The following SDK2 variants were observed in gnomAD, a reference collection of about 807,000 sequenced individuals.
SDK2 encodes sidekick cell adhesion molecule 2.
A neutral mutation model predicts 253.9 loss-of-function variants in SDK2; 105 were observed. The ratio of observed to expected loss-of-function variants is 0.41; its 90% CI spans 0.35 to 0.49. SDK2 has a LOEUF of 0.49. Among genes scored for constraint, SDK2 ranks in the 20% least tolerant of loss-of-function variants. The probability of loss-of-function intolerance (pLI) is 0.06; values close to 1 mark genes in which losing one functional copy is unlikely to be tolerated. For synonymous variants in SDK2, 1,249 were observed against 1,234.9 expected, an observed-to-expected ratio of 1.01 and a Z score of -0.24; for missense variants, 2,608 against 3,003.0, an observed-to-expected ratio of 0.87 and a Z score of 3.07.
In SDK2 at chr17:73,350,355, C is replaced by A; in HGVS notation, c.5920G>T (p.Ala1974Ser). 6.2e-7 allele frequency: 1 copy of A among 1,613,774 alleles called. No homozygotes were observed. The highest frequency in any genetic ancestry group is 2.2e-5 in the East Asian group (1 of 44,872). The change falls in exon 43 of 45, where the codon GCC becomes TCC. Residue 1974 changes from alanine (A) to serine (S), a missense_variant. Physicochemically the swap from Ala to Ser is moderately conservative, Grantham distance 99. Around this residue, in one of 2 missense-constraint regions of SDK2, gnomAD observed 1,103 missense variants for 1,143.9 expected, o/e 0.96. Transcript: ENST00000392650. ...CTCATCATCTCGCTGTGGCCTAGGG[C>A]TCCAGACTTGGCACTGTTCCCTGAA... ...TDSGNSAKSGALGHSEMMSLD... is the reference protein window; with the variant it reads ...TDSGNSAKSGSLGHSEMMSLD...
intron 1 of SDK2, among the ~76,000 whole-genome samples, chr17:73,575,775 G>C (rs1269195639): frequency 1.3e-5 from 2 of 152,222 alleles, no homozygotes; most frequent in Non-Finnish European, 2.9e-5. Context: ...GGGAGACAGA[G>C]CATACACAGA....
intron 44 of SDK2, among the ~76,000 whole-genome samples, chr17:73,342,104 TC>T (rs374701738): frequency 8.2e-6 from 1 of 122,076 alleles, no homozygotes; most frequent in African/African-American, 3.2e-5. Flanking sequence ...CCACCCCGAC[TC>T]CCAGCAGGAA....
chr17:73,479,845 C>T (rs1405003925), intron 2 of SDK2, among the ~76,000 whole-genome samples: 2 of 152,186 alleles, frequency 1.3e-5, no homozygotes, highest in Non-Finnish European at 2.9e-5. Flanking sequence ...CACCTGCCCC[C>T]ATGCCCGGCT....
chr17:73,540,988 C>T (rs1055824042), intron 1 of SDK2, among the ~76,000 whole-genome samples: 1 of 152,234 alleles, frequency 6.6e-6, no homozygotes, highest in Non-Finnish European at 1.5e-5. Context: ...ACACCCCAGC[C>T]TCCCCTACAG....
chr17:73,460,245 G>A (rs943697976), intron 3 of SDK2, among the ~76,000 whole-genome samples: 1 of 152,220 alleles, frequency 6.6e-6, no homozygotes, highest in Non-Finnish European at 1.5e-5. Context: ...TGTGGGAGCA[G>A]CCCACATGGA....
rs369686989 is a variant in SDK2 at position 73,401,344 on chromosome 17, G to A, written c.2780-133C>T. 3.7e-5 allele frequency: 32 copies of A among 854,098 alleles called. No homozygotes were observed. In the South Asian group the frequency reaches 4.4e-4, roughly 12 times the overall value. 52.9% of individuals were successfully genotyped at this position (854,098 alleles called of 1,614,324 possible). ...GGGAGCAATGGGGCCAAGGGAGGTG[G>A]GAGCTGTTGGCATCATGCCCTGGGT... On this transcript the variant is annotated intron_variant, in intron 20 of 44. Transcript: ENST00000392650.
chr17:73,388,800 TTCCTTCCTTCCCTCCCTC>T (rs202206500), intron 29 of SDK2, among the ~76,000 whole-genome samples: 1 of 43,980 alleles, frequency 2.3e-5, no homozygotes, highest in East Asian at 1.6e-3. Context: ...CCCTCCCTCC[TTCCTTCCTTCCCTCCCTC>T]TCCTTCCTTC....
chr17:73,346,282 G>A (rs530963415), intron 44 of SDK2, among the ~76,000 whole-genome samples: 1 of 152,094 alleles, frequency 6.6e-6, no homozygotes, highest in Non-Finnish European at 1.5e-5. Context: ...TGCTTAATTT[G>A]ATTTCAACGC....
chr17:73,379,295 G>A lies in SDK2; in HGVS notation c.4865-3C>T. 2 of 1,553,272 alleles carry A rather than the reference G, an allele frequency of 1.3e-6. No homozygotes were observed. Among genetic ancestry groups the A allele is most frequent in the Non-Finnish European group, 1.7e-6 (2 of 1,147,618 alleles). On this transcript the variant is annotated splice_polypyrimidine_tract_variant and splice_region_variant and intron_variant, in intron 35 of 44. Coordinates refer to ENST00000392650, the MANE Select transcript of SDK2 (RefSeq NM_001144952.2). This position sits in a 1 kb window ranked among gnomAD's most constrained non-coding sequence, Gnocchi z 4.5. ...GTTACGAGGTGCTGCTGTGGGCACT[G>A]GAGGGCGTGCAGGGTAGGCAGTGAG...
chr17:73,392,893 T>A (rs1481987999), intron 27 of SDK2, among the ~76,000 whole-genome samples: 1 of 152,000 alleles, frequency 6.6e-6, no homozygotes, highest in Non-Finnish European at 1.5e-5. Context: ...GGTTCGTGCG[T>A]CCAGGAAAAA....
Position 73,395,307 on chromosome 17 carries a change from G to A in SDK2, c.3440C>T (p.Thr1147Met), listed in dbSNP as rs760819239. Reference protein sequence around the residue: ...KYSRSDGHGKTLSHVVQDRVE... With the variant: ...KYSRSDGHGKMLSHVVQDRVE... ...ACGGTCCTGCACCACGTGGCTCAGC[G>A]TCTTGCCATGCCCGTCTGACCGGCT... The change falls in exon 25 of 45, where the codon ACG becomes ATG. Residue 1147 changes from threonine to methionine, a missense_variant. Thr to Met is a moderately conservative substitution (Grantham distance 81). This residue lies in a region of SDK2 where 1,505 missense variants were observed against 1,859.1 expected (regional missense o/e 0.81). Transcript: ENST00000392650. This position sits in a 1 kb window ranked among gnomAD's most constrained non-coding sequence, Gnocchi z 4.3. The A allele has an allele frequency of 1.7e-5, 28 of 1,613,890 alleles. No individual in the cohort carries two copies. The highest frequency in any genetic ancestry group is 1.1e-4 in the South Asian group (10 of 91,086).
intron 17 of SDK2, among the ~76,000 whole-genome samples, chr17:73,415,423 G>A (rs2063172258): frequency 6.9e-6 from 1 of 144,110 alleles, no homozygotes; most frequent in Admixed American, 7.1e-5. Context: ...CACGATCTCA[G>A]CTCATTGCAG....
At chr17:73,369,288 G>A (rs1394494976) in intron 36 of SDK2, 1 of 350,440 alleles carries the variant, frequency 2.9e-6, no homozygotes, top group Non-Finnish European at 6.3e-6. Context: ...TGCAAGTGCT[G>A]GTGGCCTCAT....
rs116705700 is a variant in SDK2, at chr17:73,408,127, C to T, written c.2485-5986G>A. Among the ~76,000 whole-genome samples the T allele has an allele frequency of 3.8e-3, 548 of 144,498 alleles. 3 individuals carry two copies. Among genetic ancestry groups the T allele is most frequent in the African/African-American group, 0.013 (527 of 39,128 alleles). The allele number at this position is 144,498 out of a possible 152,430, so 94.8% of individuals were successfully genotyped here. A position where few individuals can be genotyped will look rare whatever the true frequency, so the allele number is the denominator to read the frequency against. ...AGTACAATGGTGTGATCTCTGCTCA[C>T]TGCAACCCCTGCCTCAAGAATTCAA... On this transcript the variant is annotated intron_variant, in intron 18 of 44. Coordinates refer to ENST00000392650, the MANE Select transcript of SDK2 (RefSeq NM_001144952.2).
chr17:73,537,100 C>T (rs533312173), intron 1 of SDK2, among the ~76,000 whole-genome samples: 9 of 152,252 alleles, frequency 5.9e-5, no homozygotes, highest in Admixed American at 4.6e-4. Flanking sequence ...AGGATCACGA[C>T]GCATGTGCGT....
chr17:73,515,767 A>G (rs2145776473), intron 1 of SDK2, among the ~76,000 whole-genome samples: 1 of 152,360 alleles, frequency 6.6e-6, no homozygotes, highest in African/African-American at 2.4e-5. Flanking sequence ...CCAGTGGGAG[A>G]AGATAAATTG....
At chr17:73,416,996 GAA>G (rs2063187847) in intron 16 of SDK2, among the ~76,000 whole-genome samples, 1 of 152,194 alleles carries the variant, frequency 6.6e-6, no homozygotes, top group Admixed American at 6.5e-5. Flanking sequence ...AAAAAATTAA[GAA>G]AAAGTTATAT....
At chr17:73,576,350 G>T (rs545086050) in intron 1 of SDK2, among the ~76,000 whole-genome samples, 1 of 151,844 alleles carries the variant, frequency 6.6e-6, no homozygotes, top group African/African-American at 2.4e-5. Context: ...AATGGGAAGC[G>T]CGTCCCAAGG....
chr17:73,639,225 A>G lies in SDK2; in HGVS notation c.64+4800T>C, dbSNP rs2046367727. On this transcript the variant is annotated intron_variant, in intron 1 of 44. Transcript: ENST00000392650. This position sits in a 1 kb window ranked among gnomAD's most constrained non-coding sequence, Gnocchi z 4.3. ...AGGGGCAGAAGCCACGCTGGGAGCCATTCACCACGTCTGCAGGAGAAGGGT... is the reference window on the plus strand; with the variant it reads ...AGGGGCAGAAGCCACGCTGGGAGCCGTTCACCACGTCTGCAGGAGAAGGGT... 6.6e-6 allele frequency among the ~76,000 whole-genome samples: 1 copy of G among 152,186 alleles called. No homozygotes were observed. Among genetic ancestry groups the G allele is most frequent in the African/African-American group, 2.4e-5 (1 of 41,446 alleles).
Sources: gnomAD v4.1 joint callset for allele counts (sites outside exome capture counted in the v4.1 genomes callset) on GRCh38, gnomAD v4.1.1 for gene constraint, gnomAD v4.1.1 regional missense constraint, Gnocchi (gnomAD v3.1) non-coding constraint, MANE v1.5 for transcripts, NCBI Gene and HGNC (gene_info 2026-07-23, HGNC 2026-07-21) for gene names.